The following NPHS2 variants were observed in gnomAD, a reference collection of about 807,000 sequenced individuals.
The protein encoded by NPHS2 is podocin.
A neutral mutation model predicts 37.1 loss-of-function variants in NPHS2; 36 were observed. That is an observed-to-expected ratio of 0.97 (90% CI 0.74 to 1.28). NPHS2 has a LOEUF of 1.28. Among genes scored for constraint, NPHS2 ranks in the 50% most tolerant of loss-of-function variants. The pLI is 0.00. For synonymous variants in NPHS2, 196 were observed against 189.3 expected, an observed-to-expected ratio of 1.04 and a Z score of -0.29; for missense variants, 447 against 488.1, an observed-to-expected ratio of 0.92 and a Z score of 0.79.
At chr1:179,554,910 T>G (rs575333330) in intron 5 of NPHS2, among the ~76,000 whole-genome samples, 2 of 152,250 alleles carry the variant, frequency 1.3e-5, no homozygotes, top group Admixed American at 6.5e-5. Flanking sequence ...TAGGTGTCCT[T>G]ATAAGAGGGA....
At chr1:179,573,820 C>T (rs928860033) in intron 1 of NPHS2, among the ~76,000 whole-genome samples, 1 of 152,144 alleles carries the variant, frequency 6.6e-6, no homozygotes, top group Non-Finnish European at 1.5e-5. Context: ...TCAAACCTAA[C>T]GTGAAGATTT....
rs139948273 is a variant in NPHS2 at position 179,556,315 on chromosome 1, T to C, written c.738+712A>G. On this transcript the variant is annotated intron_variant, in intron 5 of 7. Coordinates refer to ENST00000367615, the MANE Select transcript of NPHS2 (RefSeq NM_014625.4). The surrounding 1 kb of genome is among the most constrained non-coding windows in gnomAD (Gnocchi z 4.1). ...CCCACTGCTTCAGTGACAGGCTCCA[T>C]TGCTGGTGGTAATTGCCACTCCATT... is the stretch of plus-strand genomic sequence containing the variant. 7.5e-4 allele frequency among the ~76,000 whole-genome samples: 115 copies of C among 152,330 alleles called. No individual in the cohort carries two copies. The highest frequency in any genetic ancestry group is 3.3e-3 in the South Asian group (16 of 4,826).
At chr1:179,552,420 G>A (rs1673422844) in intron 7 of NPHS2, 183 bp downstream of exon 7, 2 of 639,368 alleles carry the variant, frequency 3.1e-6, no homozygotes, top group Non-Finnish European at 5.7e-6. Flanking sequence ...GAGAGGGAGA[G>A]GAGTTGCATT....
In NPHS2 at chr1:179,556,890, C is replaced by T; in HGVS notation, c.738+137G>A. ...TGACTCAGAGTCAATTTGGCAACCT[C>T]CTAACTAGCTATGAGCTCCCAAAGG... On this transcript the variant is annotated intron_variant, in intron 5 of 7. Coordinates refer to ENST00000367615, the MANE Select transcript of NPHS2 (RefSeq NM_014625.4). This position sits in a 1 kb window ranked among gnomAD's most constrained non-coding sequence, Gnocchi z 4.1. 2 of 816,326 alleles carry T rather than the reference C, an allele frequency of 2.4e-6. No individual in the cohort carries two copies. The highest frequency in any genetic ancestry group is 1.5e-5 in the South Asian group (1 of 65,366). The allele number at this position is 816,326 out of a possible 1,614,324, so 50.6% of individuals were successfully genotyped here.
chr1:179,568,343 A>G (rs1674416326), intron 1 of NPHS2, among the ~76,000 whole-genome samples: 1 of 152,154 alleles, frequency 6.6e-6, no homozygotes, highest in Admixed American at 6.5e-5. Context: ...ATTTGTGTAG[A>G]GGTGCTTACA....
chr1:179,563,489 C>G (rs1674219305), intron 2 of NPHS2, among the ~76,000 whole-genome samples: 1 of 152,176 alleles, frequency 6.6e-6, no homozygotes, highest in African/African-American at 2.4e-5. Context: ...CAGAACATCT[C>G]CACCCAGCAA....
chr1:179,556,558 ATG>A lies in NPHS2; in HGVS notation c.738+467_738+468del, dbSNP rs1673938156. On this transcript the variant is annotated intron_variant, in intron 5 of 7. Coordinates refer to ENST00000367615, the MANE Select transcript of NPHS2 (RefSeq NM_014625.4). The surrounding 1 kb of genome is among the most constrained non-coding windows in gnomAD (Gnocchi z 4.1). ...TAGACAATGGATTGGGTAATTCATC[ATG>A]TAAAGGTCTATGACATCTTAGCTTT... 6.6e-6 allele frequency among the ~76,000 whole-genome samples: 1 copy of A among 152,202 alleles called. No homozygotes were observed. Among genetic ancestry groups the A allele is most frequent in the African/African-American group, 2.4e-5 (1 of 41,444 alleles).
chr1:179,551,563 C>T (rs74375473), intron 7 of NPHS2, 112 bp from the exon 8 acceptor site: 59 of 1,232,678 alleles, frequency 4.8e-5, no homozygotes, highest in East Asian at 4.2e-4. Context: ...GTGGCAAGCA[C>T]GGTTAAGCAT....
At chr1:179,553,832 G>A (rs186477989) in intron 6 of NPHS2, among the ~76,000 whole-genome samples, 198 of 151,900 alleles carry the variant, frequency 1.3e-3, no homozygotes, top group Non-Finnish European at 1.9e-3. Flanking sequence ...TGCAGCCTCC[G>A]CCTCCCGGGT....
At chr1:179,552,524 G>A in intron 7 of NPHS2, 79 bp downstream of exon 7, 1 of 1,120,770 alleles carries the variant, frequency 8.9e-7, no homozygotes, top group Non-Finnish European at 1.3e-6. Context: ...TGAATGGACA[G>A]TAAGGAAGCA....
At chr1:179,575,504 G>T in intron 1 of NPHS2, 87 bp downstream of exon 1, 1 of 1,554,914 alleles carries the variant, frequency 6.4e-7, no homozygotes, top group East Asian at 2.3e-5. Flanking sequence ...GCTTCAGTGG[G>T]TCTCGTGGGG....
At position 179,575,689 on chromosome 1, in the gene NPHS2, G is replaced by A. The variant is rs201106340; in HGVS notation, c.176C>T (p.Ala59Val). The stretch of plus-strand genomic sequence containing the variant: ...CACGTCCACCACCGTGGCGGCGGGC[G>A]CTCGGGGCTCCCCCGGGGTCCCCGC... Reference protein sequence around the residue: ...GRAGTPGEPRAPAATVVDVDE... With the variant: ...GRAGTPGEPRVPAATVVDVDE... Residue 59 changes from alanine to valine, a missense_variant, in exon 1 of 8, where the codon GCG (alanine) becomes GTG (valine). By Grantham distance (64) the Ala-to-Val change is moderately conservative. Transcript: ENST00000367615. The A allele has an allele frequency of 1.1e-5, 17 of 1,590,790 alleles. No individual in the cohort carries two copies. Among genetic ancestry groups the A allele is most frequent in the African/African-American group, 2.7e-5 (2 of 74,740 alleles).
At chr1:179,575,419 A>C (rs1674719078) in intron 1 of NPHS2, among the ~76,000 whole-genome samples, 172 bp downstream of exon 1, 1 of 152,018 alleles carries the variant, frequency 6.6e-6, no homozygotes, top group South Asian at 2.1e-4. Context: ...TTCTTTGCTC[A>C]CCATAGCAGG....
At chr1:179,570,621 A>G (rs1268771680) in intron 1 of NPHS2, among the ~76,000 whole-genome samples, 2 of 152,216 alleles carry the variant, frequency 1.3e-5, no homozygotes, top group Non-Finnish European at 2.9e-5. Context: ...AACATGTTAC[A>G]GTGCTGCAGA....
chr1:179,570,153 A>G (rs934526467), intron 1 of NPHS2, among the ~76,000 whole-genome samples: 1 of 152,146 alleles, frequency 6.6e-6, no homozygotes, highest in Admixed American at 6.5e-5. Flanking sequence ...AACTTGGTCC[A>G]TTCTCCCCAT....
chr1:179,552,797 G>A, intron 6 of NPHS2, 116 bp from the exon 7 acceptor site: 2 of 786,606 alleles, frequency 2.5e-6, no homozygotes, highest in Non-Finnish European at 4.4e-6. Context: ...CAAATTTGGA[G>A]TGACCAGAGT....
chr1:179,563,749 A>T (rs1449996525), intron 2 of NPHS2, among the ~76,000 whole-genome samples: 1 of 152,234 alleles, frequency 6.6e-6, no homozygotes, highest in African/African-American at 2.4e-5. Flanking sequence ...GAAAATGAGA[A>T]AATACTTTGA....
At chr1:179,569,065 G>T (rs968455731) in intron 1 of NPHS2, among the ~76,000 whole-genome samples, 7 of 152,218 alleles carry the variant, frequency 4.6e-5, no homozygotes, top group African/African-American at 1.7e-4. Context: ...TGCCTATTAG[G>T]TCTGCTTGTT....
chr1:179,565,495 T>G (rs1259900050), intron 1 of NPHS2, among the ~76,000 whole-genome samples: 2 of 152,198 alleles, frequency 1.3e-5, no homozygotes, highest in African/African-American at 4.8e-5. Context: ...ATCACCTATC[T>G]CTGGCAGAAG....
Sources: gnomAD v4.1 joint callset for allele counts (sites outside exome capture counted in the v4.1 genomes callset) on GRCh38, gnomAD v4.1.1 for gene constraint, Gnocchi (gnomAD v3.1) non-coding constraint, MANE v1.5 for transcripts, NCBI Gene and HGNC (gene_info 2026-07-23, HGNC 2026-07-21) for gene names.